Variants in PAK3 observed in about 807,000 individuals in gnomAD.
The protein encoded by PAK3 is serine/threonine-protein kinase PAK 3.
A neutral mutation model predicts 41.0 loss-of-function variants in PAK3; 4 were observed. That is an observed-to-expected ratio of 0.10 (90% CI 0.05 to 0.22). PAK3 has a LOEUF of 0.22. Among genes scored for constraint, PAK3 ranks in the 10% least tolerant of loss-of-function variants. PAK3 has a pLI of 1.00. For synonymous variants in PAK3, 146 were observed against 139.6 expected (o/e 1.05, Z -0.32); for missense variants, 205 against 409.9 (o/e 0.50, Z 4.32).
At chrX:111,170,998 G>A (rs2094331797) in intron 10 of PAK3, among the ~76,000 whole-genome samples, 1 of 110,796 alleles carries the variant, frequency 9.0e-6, no homozygotes, top group Non-Finnish European at 1.9e-5. Context: ...CTCTGATATA[G>A]GGTTATTGTA....
At chrX:111,004,436 C>A (rs1254645254) in intron 1 of PAK3, among the ~76,000 whole-genome samples, 3 of 111,775 alleles carry the variant, frequency 2.7e-5, no homozygotes, top group Non-Finnish European at 5.6e-5. Flanking sequence ...GGGTTAACAG[C>A]CTGAAATGTA....
At chrX:111,024,543 A>T (rs2092242135) in intron 1 of PAK3, among the ~76,000 whole-genome samples, 1 of 111,330 alleles carries the variant, frequency 9.0e-6, no homozygotes, top group African/African-American at 3.3e-5. Flanking sequence ...CAAAGCAGTT[A>T]AAAAAGGCAA....
At chrX:111,014,389 C>G (rs892249009) in intron 1 of PAK3, among the ~76,000 whole-genome samples, 1 of 111,222 alleles carries the variant, frequency 9.0e-6, no homozygotes, top group Non-Finnish European at 1.9e-5. Flanking sequence ...TAAAAGTAGA[C>G]ATGCCTTAAA....
chrX:111,193,778 C>CA (rs200926456), intron 13 of PAK3, among the ~76,000 whole-genome samples: 54 of 87,838 alleles, frequency 6.1e-4, no homozygotes, highest in East Asian at 1.2e-3. Flanking sequence ...AAAACAAAAA[C>CA]AAAAAAAAAC....
In PAK3 at chrX:111,031,908, C is replaced by T. The variant is rs189837312; in HGVS notation, c.-28+87280C>T. Among the ~76,000 whole-genome samples, 3 of 112,042 alleles carry T rather than the reference C, an allele frequency of 2.7e-5. No individual in the cohort carries two copies. The East Asian group carries it at 8.4e-4, about 31-fold the overall frequency. On this transcript the variant is annotated intron_variant, in intron 1 of 14. Coordinates refer to the PAK3 transcript ENST00000425146. ...TATCACCAATAGAAATCATATTTTC[C>T]TGTAACATTACGGCTGTGGCTGATA...
chrX:111,009,959 C>A (rs1353651767), intron 1 of PAK3, among the ~76,000 whole-genome samples: 1 of 111,441 alleles, frequency 9.0e-6, no homozygotes, highest in East Asian at 2.8e-4. Context: ...AATATTGTGG[C>A]CCCATAATCC....
At chrX:110,997,677 CA>C (rs2091764599) in intron 1 of PAK3, among the ~76,000 whole-genome samples, 1 of 111,599 alleles carries the variant, frequency 9.0e-6, no homozygotes, top group African/African-American at 3.3e-5. Context: ...AATTAGTTTT[CA>C]ACTTGTTAAG....
chrX:110,985,889 G>A (rs967648231), intron 1 of PAK3, among the ~76,000 whole-genome samples: 7 of 111,629 alleles, frequency 6.3e-5, no homozygotes, highest in African/African-American at 2.0e-4. Flanking sequence ...AATGAGAACA[G>A]TCTCATTTCC....
chrX:111,022,137 T>A (rs2092194308), intron 1 of PAK3, among the ~76,000 whole-genome samples: 1 of 111,672 alleles, frequency 9.0e-6, no homozygotes, highest in Non-Finnish European at 1.9e-5. Flanking sequence ...TCCCCAGTCT[T>A]GCTAGAGATC....
At chrX:111,215,377 G>T (rs1223275162) in intron 16 of PAK3, among the ~76,000 whole-genome samples, 1 of 110,891 alleles carries the variant, frequency 9.0e-6, no homozygotes, top group Non-Finnish European at 1.9e-5. Flanking sequence ...TGGCCAACAT[G>T]CTGAAACCCC....
chrX:110,945,371 G>C (rs1340620068), intron 1 of PAK3, among the ~76,000 whole-genome samples: 1 of 111,642 alleles, frequency 9.0e-6, no homozygotes, highest in Non-Finnish European at 1.9e-5. Flanking sequence ...GCCCACATTG[G>C]AAGGATAATG....
At chrX:111,025,175 A>G (rs1301073681) in intron 1 of PAK3, among the ~76,000 whole-genome samples, 1 of 111,360 alleles carries the variant, frequency 9.0e-6, no homozygotes, top group Non-Finnish European at 1.9e-5. Flanking sequence ...AGTTAGTAGC[A>G]TTAAATGCCT....
At chrX:110,951,435 A>G (rs1050758872) in intron 1 of PAK3, among the ~76,000 whole-genome samples, 2 of 112,254 alleles carry the variant, frequency 1.8e-5, no homozygotes, top group Non-Finnish European at 3.8e-5. Flanking sequence ...TCCTTAAGAT[A>G]AATTCCTAGG....
intron 1 of PAK3, among the ~76,000 whole-genome samples, chrX:111,068,982 G>A (rs1199927001): frequency 1.8e-5 from 2 of 111,702 alleles, no homozygotes; most frequent in Admixed American, 1.9e-4. Context: ...ATTCTCAATC[G>A]ATACAAATGG....
intron 5 of PAK3, among the ~76,000 whole-genome samples, chrX:111,139,320 CA>C (rs2093838250): frequency 9.0e-6 from 1 of 110,861 alleles, no homozygotes; most frequent in Admixed American, 9.6e-5. Flanking sequence ...CTGAAGTACC[CA>C]AAATGTGGAA....
intron 10 of PAK3, among the ~76,000 whole-genome samples, chrX:111,169,911 A>C (rs1440735132): frequency 9.0e-6 from 1 of 111,568 alleles, no homozygotes; most frequent in African/African-American, 3.3e-5. Flanking sequence ...TTGCATTGCC[A>C]AGGAGTTTTG....
intron 1 of PAK3, among the ~76,000 whole-genome samples, chrX:110,983,689 C>T (rs763311917): frequency 4.5e-5 from 5 of 111,608 alleles, no homozygotes; most frequent in African/African-American, 9.8e-5. Context: ...GAGCCCCCCA[C>T]GCATAAAGTG....
intron 1 of PAK3, among the ~76,000 whole-genome samples, chrX:110,985,348 C>T (rs1236684694): frequency 8.9e-6 from 1 of 111,791 alleles, no homozygotes; most frequent in Non-Finnish European, 1.9e-5. Flanking sequence ...CTGCCTCCCC[C>T]TTCCTCCTAC....
At chrX:111,182,029 CTG>C (rs1442623752) in intron 11 of PAK3, among the ~76,000 whole-genome samples, 3 of 111,848 alleles carry the variant, frequency 2.7e-5, no homozygotes, top group Non-Finnish European at 5.6e-5. Flanking sequence ...CTTAAATGCA[CTG>C]TGTTGTGTGC....
Sources: gnomAD v4.1 joint callset for allele counts (sites outside exome capture counted in the v4.1 genomes callset) on GRCh38, gnomAD v4.1.1 for gene constraint, MANE v1.5 for transcripts, NCBI Gene and HGNC (gene_info 2026-07-23, HGNC 2026-07-21) for gene names.